The following PDIA6 variants were observed in gnomAD, a reference collection of about 807,000 sequenced individuals.
The protein encoded by PDIA6 is protein disulfide-isomerase A6.
In PDIA6, 29 loss-of-function variants were observed where a neutral mutation model predicts 58.4. The ratio of observed to expected loss-of-function variants is 0.50; its 90% CI spans 0.37 to 0.68. The LOEUF is 0.68. Among genes scored for constraint, PDIA6 ranks in the 30% least tolerant of loss-of-function variants. PDIA6 has a pLI of 0.00. For missense variants in PDIA6, 480 were observed against 551.0 expected (o/e 0.87, Z 1.29); for synonymous variants, 192 against 202.6 (o/e 0.95, Z 0.44).
upstream of PDIA6, among the ~76,000 whole-genome samples, chr2:10,837,180 C>G (rs190003314): frequency 4.6e-5 from 7 of 152,146 alleles, no homozygotes; most frequent in African/African-American, 1.4e-4. Context: ...CCCATGAGTG[C>G]GGCCCCCAGC....
Position 10,823,861 on chromosome 2 carries a change from C to T in PDIA6, c.-47-4507G>A, listed in dbSNP as rs147472560. 8.3e-3 allele frequency among the ~76,000 whole-genome samples: 1,253 copies of T among 151,216 alleles called. 14 individuals are homozygous for T. Among genetic ancestry groups the T allele is most frequent in the Admixed American group, 0.016 (250 of 15,168 alleles). On this transcript the variant is annotated intron_variant, in intron 1 of 13. Transcript: ENST00000381611. ...GCTGTGCCCAAGGTTATACTCCCTC[C>T]CTGGGGGCAGCTTACATTCCATGAC...
intron 1 of PDIA6, among the ~76,000 whole-genome samples, chr2:10,830,112 G>C (rs762720268): frequency 6.6e-6 from 1 of 152,210 alleles, no homozygotes; most frequent in Non-Finnish European, 1.5e-5. Flanking sequence ...CTGGGAGGTA[G>C]AGGGGCCGCT....
chr2:10,820,421 T>A (rs1376044979), intron 1 of PDIA6, among the ~76,000 whole-genome samples: 3 of 152,174 alleles, frequency 2.0e-5, no homozygotes, highest in Admixed American at 2.0e-4. Flanking sequence ...ATGTTGCCCA[T>A]TTCTTTTTTA....
intron 5 of PDIA6, 33 bp downstream of exon 5, chr2:10,793,063 G>C (rs764371452): frequency 7.1e-7 from 1 of 1,415,412 alleles, no homozygotes; most frequent in South Asian, 1.2e-5. Flanking sequence ...TCAAAATTAT[G>C]ACACATTAAA....
intron 4 of PDIA6, 87 bp downstream of exon 4, chr2:10,796,994 T>G: frequency 9.0e-7 from 1 of 1,116,144 alleles, no homozygotes; most frequent in African/African-American, 1.5e-5. Flanking sequence ...GTTGAGAACC[T>G]TGCAGGTAGA....
chr2:10,788,816 C>T (rs1204185084), intron 9 of PDIA6, 47 bp from the exon 10 acceptor site: 1 of 1,558,918 alleles, frequency 6.4e-7, no homozygotes, highest in Non-Finnish European at 8.9e-7. Context: ...TAAAGGAGTC[C>T]ATAAAATTAA....
chr2:10,824,818 G>T lies in PDIA6; in HGVS notation c.-47-5464C>A, dbSNP rs139994813. Among the ~76,000 whole-genome samples the T allele has an allele frequency of 4.6e-5, 7 of 152,316 alleles. No homozygotes were observed. The East Asian group carries it at 7.7e-4, about 17-fold the overall frequency. ...TTATTGTTTAAGCAAGTTTGATTTG[G>T]GTTTCTAATTGGTCTTTCTATTTTC... On this transcript the variant is annotated intron_variant, in intron 1 of 13. Transcript: ENST00000381611.
chr2:10,788,974 T>A lies in PDIA6; in HGVS notation c.848A>T (p.Asn283Ile). The part of the protein sequence containing the change: ...APPPELLEII[N>I]EDIAKRTCEE... ...ACACGTCCTCTTGGCAATGTCCTCG[T>A]TGATAATCTGTGGGACCCAAAAGAC... Residue 283 changes from asparagine to isoleucine, a missense_variant, in exon 9 of 13, where the codon AAC becomes ATC. Asn to Ile is a moderately radical substitution (Grantham distance 149). Coordinates refer to ENST00000272227, the MANE Select transcript of PDIA6 (RefSeq NM_005742.4). 1 of 1,613,706 alleles carries A rather than the reference T, an allele frequency of 6.2e-7. No homozygotes were observed. Among genetic ancestry groups the A allele is most frequent in the Non-Finnish European group, 8.5e-7 (1 of 1,179,570 alleles).
At chr2:10,817,538 C>T (rs1667235102), upstream of PDIA6, among the ~76,000 whole-genome samples, 1 of 152,224 alleles carries the variant, frequency 6.6e-6, no homozygotes, top group Admixed American at 6.5e-5. Context: ...AGAACTGCAG[C>T]CAGGTATATA....
At chr2:10,818,331 T>C (rs1320363778) in intron 2 of PDIA6, among the ~76,000 whole-genome samples, 18 of 147,644 alleles carry the variant, frequency 1.2e-4, no homozygotes, top group Non-Finnish European at 4.6e-5. Flanking sequence ...ACCTGACTAA[T>C]TTCTGTATTT....
chr2:10,806,628 C>CGAAGGAAAGAA (rs1553339930), intron 1 of PDIA6, among the ~76,000 whole-genome samples: 2 of 70,364 alleles, frequency 2.8e-5, no homozygotes, highest in African/African-American at 7.0e-5. Context: ...AAAATAAAGA[C>CGAAGGAAAGAA]AGAAAGAAAG....
intron 1 of PDIA6, among the ~76,000 whole-genome samples, chr2:10,812,278 G>A (rs1209311053): frequency 1.3e-5 from 2 of 152,210 alleles, no homozygotes; most frequent in East Asian, 3.9e-4. Context: ...AGTGCAGGAC[G>A]CCCGCCAACC....
chr2:10,833,587 C>T (rs1001030559), upstream of PDIA6, among the ~76,000 whole-genome samples: 1 of 152,342 alleles, frequency 6.6e-6, no homozygotes, highest in East Asian at 1.9e-4. Context: ...ATGTTTGAGC[C>T]CCTTCTCAGA....
chr2:10,818,986 C>T (rs1667303278), intron 2 of PDIA6, among the ~76,000 whole-genome samples: 1 of 152,166 alleles, frequency 6.6e-6, no homozygotes, highest in South Asian at 2.1e-4. Context: ...TGTCATCCTA[C>T]TTTCTGTCTT....
At chr2:10,835,206 C>T (rs1467959069), upstream of PDIA6, among the ~76,000 whole-genome samples, 9 of 152,212 alleles carry the variant, frequency 5.9e-5, no homozygotes, top group Non-Finnish European at 1.3e-4. Flanking sequence ...CTGAACCGTC[C>T]TTCCAGGCCT....
intron 1 of PDIA6, among the ~76,000 whole-genome samples, chr2:10,809,660 A>AAC (rs1553340339): frequency 2.0e-5 from 3 of 150,294 alleles, no homozygotes; most frequent in Non-Finnish European, 4.4e-5. Context: ...AAAAAAAAAA[A>AAC]AAAAAAAAAA....
rs114314177 is a variant in PDIA6 at position 10,837,613 on chromosome 2, T to C, written c.-8A>G. ...GGCTGTGATTATCCTCATTTTGCAG[T>C]CAGAAAAGCCCAGGCACAGAATTGC... On this transcript the variant is annotated 5_prime_UTR_variant, in exon 1 of 14. Transcript: ENST00000404824. The C allele has an allele frequency of 3.4e-3, 3,712 of 1,101,786 alleles. 83 individuals are homozygous for C. The African/African-American group carries it at 0.047, about 14-fold the overall frequency. The allele number at this position is 1,101,786 out of a possible 1,614,324, so 68.3% of individuals were successfully genotyped here. A position where few individuals can be genotyped will look rare whatever the true frequency, so the allele number is the denominator to read the frequency against.
In PDIA6 at chr2:10,783,511, C is replaced by CA; in HGVS notation, c.*746_*747insT. On this transcript the variant is annotated 3_prime_UTR_variant, in exon 13 of 13. Transcript: ENST00000272227. The stretch of plus-strand genomic sequence containing the variant: ...TTTACATAAATGCGAACTACCTGTT[C>CA]GCATTGGTAACCTGCTGCTGTATTT... 2.6e-6 allele frequency: 1 copy of CA among 380,064 alleles called. No individual in the cohort carries two copies. Among genetic ancestry groups the CA allele is most frequent in the Non-Finnish European group, 4.8e-6 (1 of 206,626 alleles). 23.5% of individuals were successfully genotyped at this position (380,064 alleles called of 1,614,324 possible). A position where few individuals can be genotyped will look rare whatever the true frequency, so the allele number is the denominator to read the frequency against.
upstream of PDIA6, among the ~76,000 whole-genome samples, chr2:10,816,008 CCT>C (rs1007480889): frequency 6.6e-6 from 1 of 151,754 alleles, no homozygotes; most frequent in African/African-American, 2.4e-5. Flanking sequence ...GCCCTGGTCA[CCT>C]CTATTCAACT....
Sources: gnomAD v4.1 joint callset for allele counts (sites outside exome capture counted in the v4.1 genomes callset) on GRCh38, gnomAD v4.1.1 for gene constraint, MANE v1.5 for transcripts, NCBI Gene and HGNC (gene_info 2026-07-23, HGNC 2026-07-21) for gene names.